GCSAML: variants seen among roughly 807,000 people sequenced by gnomAD.
The protein encoded by GCSAML is germinal center associated signaling and motility like, also known as germinal center-associated signaling and motility-like protein.
Under a neutral mutation model 13.0 loss-of-function variants are expected in GCSAML, and 9 were observed. That is an observed-to-expected ratio of 0.69 (90% confidence interval 0.42 to 1.21). The LOEUF (loss-of-function observed/expected upper bound fraction) is 1.21, where lower values mean the gene tolerates loss of function less well. GCSAML is among the 50% of genes most tolerant of loss of function. The pLI is 0.00. For missense variants in GCSAML, 143 were observed against 153.4 expected (o/e 0.93, Z 0.36); for synonymous variants, 37 against 52.9 (o/e 0.70, Z 1.31).
intron 2 of GCSAML, among the ~76,000 whole-genome samples, chr1:247,540,029 A>T (rs187922366): frequency 1.3e-5 from 2 of 152,154 alleles, no homozygotes; most frequent in Non-Finnish European, 2.9e-5. Context: ...CTCACTTGCC[A>T]TGCTGCTTTT....
chr1:247,551,113 A>C (rs1667762938), intron 1 of GCSAML, among the ~76,000 whole-genome samples: 2 of 152,192 alleles, frequency 1.3e-5, no homozygotes, highest in African/African-American at 4.8e-5. Flanking sequence ...GCTTCTTTTT[A>C]AGATAAGGCA....
chr1:247,553,139 G>A lies in GCSAML; in HGVS notation c.30-3268G>A, dbSNP rs74355167. Among the ~76,000 whole-genome samples the A allele has an allele frequency of 7.6e-3, 1,162 of 152,204 alleles. 10 individuals carry two copies. Among genetic ancestry groups the A allele is most frequent in the African/African-American group, 0.027 (1,113 of 41,530 alleles). On this transcript the variant is annotated intron_variant, in intron 1 of 4. Coordinates refer to ENST00000366488, the MANE Select transcript of GCSAML (RefSeq NM_145278.5). ...ATCTTCTTTAATGCATTCTGATAGA[G>A]CTTTAATTTTTTGTTTTTATTTTAT...
At chr1:247,531,862 A>G in intron 2 of GCSAML, 1 of 1,614,154 alleles carries the variant, frequency 6.2e-7, no homozygotes, top group Non-Finnish European at 8.5e-7. Flanking sequence ...GCCGTAAGAG[A>G]CCAGGATGAG....
intron 2 of GCSAML, chr1:247,536,190 T>C (rs1205595752): frequency 6.6e-6 from 1 of 152,178 alleles, no homozygotes. Flanking sequence ...AGCAGCATCA[T>C]CTCTATTTAT....
intron 1 of GCSAML, among the ~76,000 whole-genome samples, chr1:247,550,078 C>G (rs1008682346): frequency 2.0e-5 from 3 of 152,088 alleles, no homozygotes; most frequent in Non-Finnish European, 4.4e-5. Context: ...GTGGAAAATC[C>G]CAGCAAGTCT....
intron 3 of GCSAML, among the ~76,000 whole-genome samples, chr1:247,564,779 T>C (rs1668274947): frequency 6.6e-6 from 1 of 152,200 alleles, no homozygotes; most frequent in Non-Finnish European, 1.5e-5. Flanking sequence ...GGATTTCCTA[T>C]TCAATCCGTG....
At position 247,516,719 on chromosome 1, in the gene GCSAML, T is replaced by G. The variant is rs1666224646; in HGVS notation, c.-263+9486T>G. Among the ~76,000 whole-genome samples, 5 of 152,150 alleles carry G rather than the reference T, an allele frequency of 3.3e-5. No individual in the cohort carries two copies. In the South Asian group the frequency reaches 1.0e-3, roughly 31 times the overall value. On this transcript the variant is annotated intron_variant, in intron 1 of 5. Transcript: ENST00000366489. ...GCAGAGCTATGGAAAACAAGAGGGA[T>G]GCATTTGTAACCCTCTGTTTACACT...
rs1252855505 is a variant in GCSAML, at chr1:247,575,651, TA to T, written c.*1271del. 5 of 152,212 alleles carry T rather than the reference TA, an allele frequency of 3.3e-5. No homozygotes were observed. The highest frequency in any genetic ancestry group is 1.2e-4 in the African/African-American group (5 of 41,450). The allele number at this position is 152,212 out of a possible 1,614,324, so 9.4% of individuals were successfully genotyped here. On this transcript the variant is annotated 3_prime_UTR_variant, in exon 5 of 5. Coordinates refer to ENST00000366488, the MANE Select transcript of GCSAML (RefSeq NM_145278.5). ...AAAAAAAGATGAAATGAAGCATATATAATTGTCAATTTTTTCAATTTTCTAG... is the reference window on the plus strand; with the variant it reads ...AAAAAAAGATGAAATGAAGCATATATATTGTCAATTTTTTCAATTTTCTAG...
intron 1 of GCSAML, among the ~76,000 whole-genome samples, chr1:247,512,930 G>T (rs1666091044): frequency 6.6e-6 from 1 of 152,172 alleles, no homozygotes; most frequent in African/African-American, 2.4e-5. Flanking sequence ...GGGCTCTCCT[G>T]TATGAGGTGT....
Position 247,575,872 on chromosome 1 carries a change from A to G in GCSAML, c.*1490A>G, listed in dbSNP as rs1014111659. On this transcript the variant is annotated 3_prime_UTR_variant, in exon 5 of 5. Transcript: ENST00000366488. ...CCATCTAATTATGCTTTCTTTCCCA[A>G]GAAGTTTTTTAATGATATGCCAGCT... 6.6e-6 allele frequency: 1 copy of G among 152,232 alleles called. No homozygotes were observed. The highest frequency in any genetic ancestry group is 1.5e-5 in the Non-Finnish European group (1 of 68,046). 9.4% of individuals were successfully genotyped at this position (152,232 alleles called of 1,614,324 possible).
intron 1 of GCSAML, among the ~76,000 whole-genome samples, chr1:247,553,957 T>C (rs1667863442): frequency 6.6e-6 from 1 of 152,262 alleles, no homozygotes; most frequent in Admixed American, 6.5e-5. Flanking sequence ...AATTTTACTA[T>C]AGTTTTAGAT....
intron 1 of GCSAML, among the ~76,000 whole-genome samples, chr1:247,523,364 C>A (rs12081895): frequency 6.6e-6 from 1 of 152,078 alleles, no homozygotes; most frequent in African/African-American, 2.4e-5. Context: ...TATTGAGTAC[C>A]AATTTCTCAT....
At chr1:247,522,182 G>A (rs1489045429) in intron 1 of GCSAML, among the ~76,000 whole-genome samples, 16 of 151,510 alleles carry the variant, frequency 1.1e-4, no homozygotes, top group South Asian at 4.2e-4. Context: ...GTCTCCGCCC[G>A]GCAGCCGCCC....
At chr1:247,553,029 C>T (rs1265317333) in intron 1 of GCSAML, among the ~76,000 whole-genome samples, 2 of 152,242 alleles carry the variant, frequency 1.3e-5, no homozygotes, top group Non-Finnish European at 2.9e-5. Context: ...GCTGGGATTA[C>T]AGGCGTGAGC....
intron 1 of GCSAML, among the ~76,000 whole-genome samples, chr1:247,508,972 C>A (rs547117103): frequency 6.6e-6 from 1 of 152,254 alleles, no homozygotes; most frequent in East Asian, 1.9e-4. Context: ...TTAGAAACAT[C>A]TTGGCGATTT....
intron 3 of GCSAML, 58 bp from the exon 4 acceptor site, chr1:247,565,873 G>C (rs1165460581): frequency 7.3e-6 from 10 of 1,378,410 alleles, no homozygotes; most frequent in African/African-American, 1.5e-5. Context: ...TCTGTGATGG[G>C]GCAAAAGTCT....
chr1:247,556,506 G>GTTTTT, intron 2 of GCSAML, 40 bp downstream of exon 2: 1 of 1,480,468 alleles, frequency 6.8e-7, no homozygotes, highest in Non-Finnish European at 9.3e-7. Flanking sequence ...GTTTTGTTTT[G>GTTTTT]TTTTGTTTTT....
Position 247,521,960 on chromosome 1 carries a change from G to A in GCSAML, c.-262-4980G>A, listed in dbSNP as rs879314209. ...GAGCGTCTCTGCCCGGCTGCCCATC[G>A]TCTGAGATGTGGGGAGCGCCTCTGC... is the stretch of plus-strand genomic sequence containing the variant. On this transcript the variant is annotated intron_variant, in intron 1 of 5. Coordinates refer to the GCSAML transcript ENST00000366489. 1.8e-3 allele frequency among the ~76,000 whole-genome samples: 264 copies of A among 149,646 alleles called. 1 individual carries two copies. The highest frequency in any genetic ancestry group is 3.5e-3 in the Middle Eastern group (1 of 284).
chr1:247,531,560 CCAGCTTGCCTG>C, intron 2 of GCSAML: 2 of 1,613,240 alleles, frequency 1.2e-6, no homozygotes, highest in Middle Eastern at 3.4e-4. Flanking sequence ...TAAATTTGCG[CCAGCTTGCCTG>C]CAGAGCCACA....
Sources: allele counts gnomAD v4.1 joint callset (sites outside exome capture counted in the v4.1 genomes callset), GRCh38; gene constraint gnomAD v4.1.1; transcripts MANE v1.5; gene names NCBI Gene and HGNC (gene_info 2026-07-23, HGNC 2026-07-21).